CAST: variants seen among roughly 807,000 people sequenced by gnomAD.
CAST encodes the protein MIR583 host.
In CAST, 76 loss-of-function variants were observed where a neutral mutation model predicts 119.6. The observed-to-expected ratio is 0.64, with a 90% CI of 0.53 to 0.77. The LOEUF (loss-of-function observed/expected upper bound fraction) is 0.77. CAST is among the 30% of genes least tolerant of loss of function. The pLI, the probability that CAST is intolerant of heterozygous loss-of-function variation, is 0.00. For missense variants in CAST, 953 were observed against 946.5 expected, an observed-to-expected ratio of 1.01 and a Z score of -0.09; for synonymous variants, 319 against 331.6, an observed-to-expected ratio of 0.96 and a Z score of 0.41.
chr5:96,411,242 A>G, the CAST span, among the ~76,000 whole-genome samples: 1 of 152,224 alleles, frequency 6.6e-6, no homozygotes, highest in East Asian at 1.9e-4. Flanking sequence ...TTTCTTATGC[A>G]GATTCATAAT....
the CAST span, among the ~76,000 whole-genome samples, chr5:96,497,376 A>C: frequency 6.6e-6 from 1 of 152,206 alleles, no homozygotes; most frequent in Non-Finnish European, 1.5e-5. Context: ...GTATATACCC[A>C]GTAATGGGAT....
intron 1 of CAST, among the ~76,000 whole-genome samples, chr5:96,648,271 C>A (rs573862256): frequency 1.4e-4 from 21 of 152,320 alleles, no homozygotes; most frequent in Non-Finnish European, 2.5e-4. Flanking sequence ...TCTGCAGATT[C>A]ACTTCCTTAT....
chr5:96,581,972 A>G (rs1199697820), intron 1 of CAST, among the ~76,000 whole-genome samples: 3 of 152,216 alleles, frequency 2.0e-5, no homozygotes, highest in Non-Finnish European at 1.5e-5. Flanking sequence ...CACATGCAAT[A>G]AAAGAGAACT....
the CAST span, among the ~76,000 whole-genome samples, chr5:96,322,726 C>T: frequency 1.3e-5 from 2 of 152,102 alleles, no homozygotes; most frequent in African/African-American, 4.8e-5. Context: ...CTCTCAGTTG[C>T]GTGTTTTCCT....
At chr5:96,500,659 A>T in the CAST span, among the ~76,000 whole-genome samples, 1 of 152,154 alleles carries the variant, frequency 6.6e-6, no homozygotes, top group African/African-American at 2.4e-5. Flanking sequence ...TTCTCTCCTT[A>T]TGTGTCCCTT....
chr5:96,314,887 A>G, the CAST span, among the ~76,000 whole-genome samples: 2 of 152,236 alleles, frequency 1.3e-5, no homozygotes, highest in African/African-American at 4.8e-5. Flanking sequence ...AATTTGCAAT[A>G]TAGCTACATT....
chr5:96,412,990 T>G, the CAST span: 1 of 997,312 alleles, frequency 1.0e-6, no homozygotes, highest in Middle Eastern at 5.1e-4. Context: ...CACAAATGGC[T>G]GTGGCCCAGT....
At chr5:96,643,168 C>T (rs1747974081) in intron 1 of CAST, among the ~76,000 whole-genome samples, 1 of 152,140 alleles carries the variant, frequency 6.6e-6, no homozygotes, top group Non-Finnish European at 1.5e-5. Context: ...ATGCAAGACA[C>T]CTTGAGAGTA....
At chr5:96,073,431 C>T in the CAST span, among the ~76,000 whole-genome samples, 2 of 152,232 alleles carry the variant, frequency 1.3e-5, no homozygotes, top group East Asian at 1.9e-4. Context: ...AAGTCTAATA[C>T]GTTTGCCCAG....
the CAST span, among the ~76,000 whole-genome samples, chr5:96,032,787 G>C: frequency 6.6e-6 from 1 of 151,922 alleles, no homozygotes; most frequent in Non-Finnish European, 1.5e-5. Flanking sequence ...CTTTAAAATA[G>C]CCACTAGAAA....
At chr5:96,573,153 G>A (rs1206197190) in intron 1 of CAST, among the ~76,000 whole-genome samples, 3 of 152,166 alleles carry the variant, frequency 2.0e-5, no homozygotes, top group Non-Finnish European at 2.9e-5. Flanking sequence ...TATGTTCTTG[G>A]ATTGTGCACT....
the CAST span, among the ~76,000 whole-genome samples, chr5:96,311,023 GTTT>G: frequency 6.6e-6 from 1 of 151,698 alleles, no homozygotes; most frequent in Non-Finnish European, 1.5e-5. Context: ...CAACATTGTT[GTTT>G]TTTTGCTACC....
chr5:96,528,597 T>C (rs1005297882), upstream of CAST, among the ~76,000 whole-genome samples: 2 of 152,176 alleles, frequency 1.3e-5, no homozygotes, highest in African/African-American at 4.8e-5. Context: ...GCAGTTGCTT[T>C]CCCTTGGATG....
At chr5:96,006,828 T>A in the CAST span, among the ~76,000 whole-genome samples, 1 of 152,218 alleles carries the variant, frequency 6.6e-6, no homozygotes, top group Non-Finnish European at 1.5e-5. Context: ...ACATTTCAAA[T>A]TCTTTTTTAT....
chr5:96,182,657 T>A, the CAST span, among the ~76,000 whole-genome samples: 1 of 152,212 alleles, frequency 6.6e-6, no homozygotes, highest in Non-Finnish European at 1.5e-5. Flanking sequence ...TACAATATAG[T>A]ATTAATTCAT....
In CAST at chr5:96,726,803, G is replaced by A; in HGVS notation, c.280G>A (p.Val94Ile). Residue 94 changes from valine to isoleucine, a missense_variant, in exon 5 of 32, where the codon GTC becomes ATC. Transcript: ENST00000675179. ...MNPTETKAIP[V>I]SQQMEGPHLP... ...TGTGCTCTTATATTAGGCCATTCCA[G>A]TCAGCCAACAGATGGAAGGACCACA... The A allele has an allele frequency of 6.2e-7, 1 of 1,612,776 alleles. No individual in the cohort carries two copies. Among genetic ancestry groups the A allele is most frequent in the South Asian group, 1.1e-5 (1 of 90,980 alleles).
chr5:96,099,375 G>C, the CAST span, among the ~76,000 whole-genome samples: 2 of 151,820 alleles, frequency 1.3e-5, no homozygotes, highest in Non-Finnish European at 2.9e-5. Flanking sequence ...AATAAGAGTG[G>C]TGAGAGAGGG....
intron 1 of CAST, chr5:96,663,005 C>A (rs1236828121): frequency 1.5e-6 from 1 of 672,746 alleles, no homozygotes; most frequent in Non-Finnish European, 2.7e-6. Flanking sequence ...CTGGCAGCCG[C>A]CTTGGGATGT....
chr5:96,033,007 A>G, the CAST span, among the ~76,000 whole-genome samples: 6 of 152,180 alleles, frequency 3.9e-5, no homozygotes, highest in African/African-American at 1.4e-4. Context: ...ATACAAAAAT[A>G]GTAGCATTTC....
Sources: gnomAD v4.1 joint callset for allele counts (sites outside exome capture counted in the v4.1 genomes callset) on GRCh38, gnomAD v4.1.1 for gene constraint, MANE v1.5 for transcripts, NCBI Gene and HGNC (gene_info 2026-07-23, HGNC 2026-07-21) for gene names.